GNAL: variants seen among roughly 807,000 people sequenced by gnomAD.
GNAL encodes G protein subunit alpha L.
In GNAL, 18 loss-of-function variants were observed where a neutral mutation model predicts 55.1. The ratio of observed to expected loss-of-function variants is 0.33; its 90% confidence interval spans 0.23 to 0.48. The LOEUF is 0.48. Among genes scored for constraint, GNAL ranks in the 20% least tolerant of loss-of-function variants. The pLI is 0.99. For missense variants in GNAL, 412 were observed against 614.1 expected (o/e 0.67, Z 3.48); for synonymous variants, 253 against 237.0 (o/e 1.07, Z -0.62).
chr18:11,753,404 T>C, intron 2 of GNAL: 1 of 504,628 alleles, frequency 2.0e-6, no homozygotes, highest in Non-Finnish European at 3.6e-6. Flanking sequence ...GCTATAGATT[T>C]TTAAAAAAAT....
At chr18:11,702,295 G>C (rs2031591555) in intron 1 of GNAL, 1 of 152,256 alleles carries the variant, frequency 6.6e-6, no homozygotes, top group African/African-American at 2.4e-5. Context: ...GTGGCACCAG[G>C]GAGGAATCAG....
intron 1 of GNAL, chr18:11,746,731 G>A: frequency 2.8e-5 from 8 of 289,492 alleles, no homozygotes; most frequent in Non-Finnish European, 3.5e-5. Context: ...TGCCACCCAG[G>A]TGAAGCAGCT....
In GNAL at chr18:11,753,337, A is replaced by G. The variant is rs73397890; in HGVS notation, c.450-291A>G. Among the ~76,000 whole-genome samples, 1,415 of 152,370 alleles carry G rather than the reference A, an allele frequency of 9.3e-3. 10 individuals are homozygous for G. Among genetic ancestry groups the G allele is most frequent in the Middle Eastern group, 0.017 (5 of 294 alleles). Reference sequence around the variant, plus strand: ...AGGTGTAACTGCATGTTATATTTATATGCAATATCCATAGCGATTTTGCCT... The same window carrying G: ...AGGTGTAACTGCATGTTATATTTATGTGCAATATCCATAGCGATTTTGCCT... On this transcript the variant is annotated intron_variant, in intron 2 of 11. Coordinates refer to ENST00000334049, the MANE Select transcript of GNAL (RefSeq NM_182978.4).
intron 1 of GNAL, among the ~76,000 whole-genome samples, chr18:11,698,293 T>G (rs7237466): frequency 1.3e-5 from 2 of 151,608 alleles, no homozygotes; most frequent in Non-Finnish European, 2.9e-5. Flanking sequence ...GAGATCAAGA[T>G]CATCCTGGCC....
chr18:11,806,964 GC>G (rs1463515570), intron 4 of GNAL, among the ~76,000 whole-genome samples: 1 of 151,996 alleles, frequency 6.6e-6, no homozygotes, highest in Non-Finnish European at 1.5e-5. Context: ...ATCACAACTG[GC>G]CTGGCCAACA....
intron 1 of GNAL, among the ~76,000 whole-genome samples, chr18:11,738,847 G>C (rs551579212): frequency 6.6e-6 from 1 of 152,262 alleles, no homozygotes; most frequent in African/African-American, 2.4e-5. Context: ...CGTGCAGAGC[G>C]GGTGAGGATG....
At chr18:11,717,314 G>T (rs925884790) in intron 1 of GNAL, among the ~76,000 whole-genome samples, 1 of 152,338 alleles carries the variant, frequency 6.6e-6, no homozygotes, top group Non-Finnish European at 1.5e-5. Flanking sequence ...AGCTGAGGGA[G>T]CCGGCTCTGG....
At chr18:11,716,372 C>A (rs946946984) in intron 1 of GNAL, among the ~76,000 whole-genome samples, 4 of 152,094 alleles carry the variant, frequency 2.6e-5, no homozygotes, top group Non-Finnish European at 5.9e-5. Context: ...AGCTGCAGAC[C>A]TTCGCGGTGA....
intron 1 of GNAL, among the ~76,000 whole-genome samples, chr18:11,743,314 C>CAAA (rs527239039): frequency 0.048 from 5,617 of 116,294 alleles, 155 homozygotes; most frequent in Middle Eastern, 0.083. Context: ...CTCACTAATA[C>CAAA]AAAAAAAAAA....
At chr18:11,781,029 A>G (rs2033913669) in intron 4 of GNAL, among the ~76,000 whole-genome samples, 1 of 152,254 alleles carries the variant, frequency 6.6e-6, no homozygotes. Flanking sequence ...CCTTGACTAC[A>G]GGATTGAAAT....
chr18:11,761,463 G>A (rs148639223), intron 4 of GNAL, among the ~76,000 whole-genome samples: 3 of 152,152 alleles, frequency 2.0e-5, no homozygotes, highest in East Asian at 1.9e-4. Context: ...CCCAGAGCTC[G>A]GCTCTCCTTC....
chr18:11,746,840 G>A, intron 1 of GNAL: 1 of 521,620 alleles, frequency 1.9e-6, no homozygotes, highest in Non-Finnish European at 3.9e-6. Flanking sequence ...AGATCGTATT[G>A]GAAGTGAACA....
At chr18:11,717,196 G>A (rs938470186) in intron 1 of GNAL, among the ~76,000 whole-genome samples, 86 of 152,364 alleles carry the variant, frequency 5.6e-4, no homozygotes, top group African/African-American at 2.1e-3. Flanking sequence ...GAGCCAGCCG[G>A]CCGCTCCCAG....
chr18:11,852,147 C>T, intron 5 of GNAL: 1 of 1,530,678 alleles, frequency 6.5e-7, no homozygotes, highest in Non-Finnish European at 8.8e-7. Flanking sequence ...TGGCCATAGC[C>T]ACCCTTTGAA....
At chr18:11,856,834 A>G (rs952905430) in intron 5 of GNAL, among the ~76,000 whole-genome samples, 1 of 152,236 alleles carries the variant, frequency 6.6e-6, no homozygotes, top group African/African-American at 2.4e-5. Flanking sequence ...CGGGAGGCTG[A>G]GACAGGAGAC....
chr18:11,732,010 T>A (rs1432976451), intron 1 of GNAL, among the ~76,000 whole-genome samples: 1 of 152,156 alleles, frequency 6.6e-6, no homozygotes, highest in Non-Finnish European at 1.5e-5. Flanking sequence ...AACATACATC[T>A]CTACTTCATT....
At chr18:11,839,777 G>A (rs1289452956) in intron 5 of GNAL, among the ~76,000 whole-genome samples, 2 of 152,158 alleles carry the variant, frequency 1.3e-5, no homozygotes, top group East Asian at 1.9e-4. Flanking sequence ...CTCCTTTAGA[G>A]CACAAGCGTT....
rs199761315 is a variant in GNAL at position 11,752,477 on chromosome 18, G to A, written c.377-376G>A. 2.3e-5 allele frequency: 37 copies of A among 1,612,286 alleles called. No homozygotes were observed. In the East Asian group the frequency reaches 3.8e-4, roughly 17 times the overall value. ...AACAGCAAGACGACGGAAGACCAGG[G>A]CGTCGATGAAAAAGAACGACGCGAG... On this transcript the variant is annotated intron_variant, in intron 1 of 11. Coordinates refer to ENST00000334049, the MANE Select transcript of GNAL (RefSeq NM_182978.4). The surrounding 1 kb of genome is among the most constrained non-coding windows in gnomAD (Gnocchi z 4.5).
At chr18:11,828,485 T>G (rs1301413071) in intron 5 of GNAL, among the ~76,000 whole-genome samples, 1 of 152,208 alleles carries the variant, frequency 6.6e-6, no homozygotes, top group Non-Finnish European at 1.5e-5. Flanking sequence ...TGCTAGCAAC[T>G]GGAATTTCTA....
Sources: gnomAD v4.1 joint callset for allele counts (sites outside exome capture counted in the v4.1 genomes callset) on GRCh38, gnomAD v4.1.1 for gene constraint, Gnocchi (gnomAD v3.1) non-coding constraint, MANE v1.5 for transcripts, NCBI Gene and HGNC (gene_info 2026-07-23, HGNC 2026-07-21) for gene names.